The following PKD1L1 variants were observed in gnomAD, a reference collection of about 807,000 sequenced individuals.
PKD1L1 encodes the protein polycystin-1-like protein 1.
Under a neutral mutation model 323.4 loss-of-function variants are expected in PKD1L1, and 236 were observed. The observed-to-expected ratio is 0.73, with a 90% confidence interval of 0.66 to 0.81. The LOEUF (loss-of-function observed/expected upper bound fraction) is 0.81, where lower values mean the gene tolerates loss of function less well. Among genes scored for constraint, PKD1L1 ranks in the 40% least tolerant of loss-of-function variants. The pLI, the probability that PKD1L1 is intolerant of heterozygous loss-of-function variation, is 0.00. For missense variants in PKD1L1, 3,320 were observed against 3,508.0 expected (o/e 0.95, Z 1.35); for synonymous variants, 1,344 against 1,335.0 (o/e 1.01, Z -0.15).
chr7:47,831,434 G>A, intron 41 of PKD1L1, 82 bp from the exon 42 acceptor site: 1 of 1,510,004 alleles, frequency 6.6e-7, no homozygotes, highest in Non-Finnish European at 8.9e-7. Context: ...GTGAATCTTA[G>A]GTGTCAACTA....
At chr7:47,862,137 G>A (rs1295175726) in intron 26 of PKD1L1, among the ~76,000 whole-genome samples, 1 of 151,962 alleles carries the variant, frequency 6.6e-6, no homozygotes, top group Non-Finnish European at 1.5e-5. Context: ...AGAGGTTTCA[G>A]TGAGCCAAGA....
chr7:47,868,136 G>A (rs1302280171), intron 24 of PKD1L1, among the ~76,000 whole-genome samples: 1 of 152,190 alleles, frequency 6.6e-6, no homozygotes, highest in Non-Finnish European at 1.5e-5. Context: ...GGGAGGCTGA[G>A]GCATGTGGAT....
intron 54 of PKD1L1, among the ~76,000 whole-genome samples, chr7:47,796,647 C>T (rs1321449639): frequency 2.0e-5 from 3 of 152,032 alleles, no homozygotes; most frequent in Non-Finnish European, 4.4e-5. Context: ...GCTCAAAAGC[C>T]TACTGGTAAC....
At chr7:47,810,162 G>A (rs1185100510) in intron 50 of PKD1L1, among the ~76,000 whole-genome samples, 1 of 152,100 alleles carries the variant, frequency 6.6e-6, no homozygotes, top group African/African-American at 2.4e-5. Flanking sequence ...AGGGCTTTAT[G>A]CATCTTCTCT....
intron 7 of PKD1L1, among the ~76,000 whole-genome samples, chr7:47,922,896 AG>A (rs998368485): frequency 3.9e-5 from 6 of 152,232 alleles, no homozygotes. Context: ...CGAATAGAAA[AG>A]GGGGAAATGT....
At chr7:47,810,658 T>C (rs532981542) in intron 50 of PKD1L1, among the ~76,000 whole-genome samples, 1 of 152,322 alleles carries the variant, frequency 6.6e-6, no homozygotes, top group African/African-American at 2.4e-5. Context: ...TAAAGCAAAG[T>C]AACCTTGACC....
Position 47,908,197 on chromosome 7 carries a change from C to T in PKD1L1, c.1282G>A (p.Val428Met), listed in dbSNP as rs778193426. The T allele has an allele frequency of 1.2e-6, 2 of 1,614,236 alleles. No individual in the cohort carries two copies. Among genetic ancestry groups the T allele is most frequent in the East Asian group, 2.2e-5 (1 of 44,892 alleles). The stretch of plus-strand genomic sequence containing the variant: ...TCCACATAATAAGGCCCAAGCTCCA[C>T]TTCGGTTCCATGAAACTCGTTATAA... ...VIYNEFHGTE[V>M]ELGPYYVEIG... Residue 428 changes from valine to methionine, a missense_variant, in exon 9 of 57, where the codon GTG becomes ATG. By Grantham distance (21) the Val-to-Met change is conservative. Transcript: ENST00000289672.
chr7:47,923,061 C>T (rs903856633), intron 7 of PKD1L1, among the ~76,000 whole-genome samples: 3 of 152,182 alleles, frequency 2.0e-5, no homozygotes, highest in Non-Finnish European at 4.4e-5. Context: ...GAAACATGTG[C>T]TGTGTCCACT....
At chr7:47,795,576 A>G (rs4724645) in intron 55 of PKD1L1, 21,802 of 348,136 alleles carry the variant, frequency 0.063, 951 homozygotes, top group East Asian at 0.2. Flanking sequence ...ATTTGTTTAC[A>G]TGCATGTCTG....
At chr7:47,806,849 CAAG>C (rs1784789834) in intron 52 of PKD1L1, among the ~76,000 whole-genome samples, 1 of 151,950 alleles carries the variant, frequency 6.6e-6, no homozygotes, top group Admixed American at 6.6e-5. Context: ...CATGTTCCTC[CAAG>C]AAGAGGATGC....
intron 56 of PKD1L1, among the ~76,000 whole-genome samples, chr7:47,781,637 C>T (rs921428990): frequency 7.2e-5 from 11 of 151,810 alleles, no homozygotes; most frequent in African/African-American, 2.4e-4. Flanking sequence ...TCTCGATTTC[C>T]TGACGTAGTG....
rs1786567036 is a variant in PKD1L1, at chr7:47,882,050, A to G, written c.3301T>C (p.Leu1101=). Residue 1101 remains leucine (L), a synonymous_variant, in exon 20 of 57, where the codon TTG becomes CTG. Coordinates refer to ENST00000289672, the MANE Select transcript of PKD1L1 (RefSeq NM_138295.5). ...TCTCCAGGGCTCTCCTCGGCACTCA[A>G]GCTAGGTCCTGATCCTGGAAAGCTG... ...DTSFPGSGPS[L]SAEESPGDGD... is the part of the protein sequence containing the mutation. 3.1e-6 allele frequency: 5 copies of G among 1,613,804 alleles called. No individual in the cohort carries two copies. The highest frequency in any genetic ancestry group is 3.4e-6 in the Non-Finnish European group (4 of 1,179,952).
intron 45 of PKD1L1, 96 bp from the exon 46 acceptor site, chr7:47,821,282 T>C: frequency 1.5e-6 from 1 of 680,528 alleles, no homozygotes; most frequent in Non-Finnish European, 2.4e-6. Context: ...ATTATTATTA[T>C]TTTTGAGACG....
At chr7:47,937,446 C>A (rs1787893627) in intron 3 of PKD1L1, among the ~76,000 whole-genome samples, 1 of 152,128 alleles carries the variant, frequency 6.6e-6, no homozygotes, top group Non-Finnish European at 1.5e-5. Context: ...CAAGAGAGCA[C>A]AGGAGGTGAC....
intron 7 of PKD1L1, among the ~76,000 whole-genome samples, chr7:47,918,093 A>G (rs974103586): frequency 1.3e-5 from 2 of 152,166 alleles, no homozygotes; most frequent in African/African-American, 4.8e-5. Context: ...CAGGAGACTC[A>G]CCTAACACAT....
chr7:47,813,079 G>A (rs767583280), intron 49 of PKD1L1, 42 bp downstream of exon 49: 2 of 1,587,314 alleles, frequency 1.3e-6, no homozygotes, highest in Non-Finnish European at 8.6e-7. Context: ...TGGAGTGGCG[G>A]TGGCAGGCAG....
chr7:47,957,329 T>C, the PKD1L1 span: 1 of 152,308 alleles, frequency 6.6e-6, no homozygotes, highest in African/African-American at 2.4e-5. Context: ...ATGCTGTAAT[T>C]AGGCAATTAG....
intron 23 of PKD1L1, 53 bp downstream of exon 23, chr7:47,876,044 T>C: frequency 3.1e-6 from 5 of 1,590,152 alleles, no homozygotes; most frequent in Non-Finnish European, 4.3e-6. Flanking sequence ...GGAAAAAAGG[T>C]TTAGAACTGT....
intron 56 of PKD1L1, among the ~76,000 whole-genome samples, chr7:47,790,626 G>C (rs761384421): frequency 1.3e-5 from 2 of 152,054 alleles, no homozygotes; most frequent in African/African-American, 2.4e-5. Flanking sequence ...TCACCGCACC[G>C]GGCCATAACT....
Sources: gnomAD v4.1 joint callset for allele counts (sites outside exome capture counted in the v4.1 genomes callset) on GRCh38, gnomAD v4.1.1 for gene constraint, MANE v1.5 for transcripts, NCBI Gene and HGNC (gene_info 2026-07-23, HGNC 2026-07-21) for gene names.